Variants in PPP3CB observed in about 807,000 individuals in gnomAD.
PPP3CB encodes the protein protein phosphatase 3 catalytic subunit beta, also known as serine/threonine-protein phosphatase 2B catalytic subunit beta isoform.
Under a neutral mutation model 66.4 loss-of-function variants are expected in PPP3CB, and 8 were observed. That is an observed-to-expected ratio of 0.12 (90% CI 0.07 to 0.22). PPP3CB has a LOEUF of 0.22. Ranked by LOEUF, PPP3CB falls within the 10% of genes least tolerant of loss-of-function variation. The pLI is 1.00. For synonymous variants in PPP3CB, 208 were observed against 221.2 expected, an observed-to-expected ratio of 0.94 and a Z score of 0.53; for missense variants, 319 against 642.5, an observed-to-expected ratio of 0.50 and a Z score of 5.44.
In PPP3CB at chr10:73,495,908, CT is replaced by C; in HGVS notation, c.-20del. On this transcript the variant is annotated 5_prime_UTR_variant, in exon 1 of 14. Transcript: ENST00000360663. ...CGGCCATGCTGGGCCCGGGGCTCGG[CT>C]AGGCTCTGGGCCGGGCGGGGTTGGG... is the stretch of plus-strand genomic sequence containing the variant. 1 of 593,892 alleles carries C rather than the reference CT, an allele frequency of 1.7e-6. No homozygotes were observed. 36.8% of individuals were successfully genotyped at this position (593,892 alleles called of 1,614,324 possible).
chr10:73,443,230 AAGAC>A (rs1434101188), intron 12 of PPP3CB, among the ~76,000 whole-genome samples: 9 of 148,334 alleles, frequency 6.1e-5, no homozygotes, highest in Non-Finnish European at 8.9e-5. Flanking sequence ...CAAAAAAAGA[AAGAC>A]AGAGAGAGAG....
intron 11 of PPP3CB, 70 bp from the exon 12 acceptor site, chr10:73,444,892 T>G (rs2056221677): frequency 2.1e-6 from 3 of 1,458,598 alleles, no homozygotes; most frequent in Non-Finnish European, 2.8e-6. Context: ...AGACATAGGG[T>G]CTAGATATAG....
intron 9 of PPP3CB, among the ~76,000 whole-genome samples, chr10:73,459,997 A>G (rs183392134): frequency 2.4e-3 from 371 of 152,322 alleles, no homozygotes; most frequent in African/African-American, 8.5e-3. Flanking sequence ...AAAATAAAGA[A>G]AAGTATGAGG....
chr10:73,479,066 A>G (rs1021290091), intron 2 of PPP3CB, among the ~76,000 whole-genome samples: 1 of 152,220 alleles, frequency 6.6e-6, no homozygotes, highest in Non-Finnish European at 1.5e-5. Flanking sequence ...AAATTGAAGT[A>G]TGGTCAACAC....
Position 73,437,905 on chromosome 10 carries a change from A to T in PPP3CB, c.*337T>A. 5.0e-6 allele frequency: 1 copy of T among 200,194 alleles called. No homozygotes were observed. Among genetic ancestry groups the T allele is most frequent in the Non-Finnish European group, 1.0e-5 (1 of 100,204 alleles). The allele number at this position is 200,194 out of a possible 1,614,324, so 12.4% of individuals were successfully genotyped here. On this transcript the variant is annotated 3_prime_UTR_variant, in exon 14 of 14. Transcript: ENST00000360663. ...ATTTGAAATCATGATTGAAAAACAAAATCTAATTCTACTGAAGGGGAAAAG... is the reference window on the plus strand; with the variant it reads ...ATTTGAAATCATGATTGAAAAACAATATCTAATTCTACTGAAGGGGAAAAG...
At position 73,437,332 on chromosome 10, in the gene PPP3CB, A is replaced by G. The variant is rs924321724; in HGVS notation, c.*910T>C. On this transcript the variant is annotated 3_prime_UTR_variant, in exon 14 of 14. Transcript: ENST00000360663. ...TACTCACAATAAACTAAAATTTCTCATAACATCTAGGTAACCTATACATGT... is the reference window on the plus strand; with the variant it reads ...TACTCACAATAAACTAAAATTTCTCGTAACATCTAGGTAACCTATACATGT... 4.6e-5 allele frequency: 7 copies of G among 152,666 alleles called. No individual in the cohort carries two copies. Among genetic ancestry groups the G allele is most frequent in the Non-Finnish European group, 8.8e-5 (6 of 68,042 alleles). The allele number at this position is 152,666 out of a possible 1,614,324, so 9.5% of individuals were successfully genotyped here. A position where few individuals can be genotyped will look rare whatever the true frequency, so the allele number is the denominator to read the frequency against.
At chr10:73,448,688 GTTC>G (rs1386537821) in intron 10 of PPP3CB, 2 of 533,208 alleles carry the variant, frequency 3.8e-6, no homozygotes, top group Non-Finnish European at 7.7e-6. Flanking sequence ...TATATGAGCC[GTTC>G]TTCAGATGGA....
intron 12 of PPP3CB, among the ~76,000 whole-genome samples, chr10:73,443,128 G>A (rs2056176432): frequency 6.6e-6 from 1 of 151,806 alleles, no homozygotes; most frequent in South Asian, 2.1e-4. Flanking sequence ...GAGCCCAGGA[G>A]GTTGAGGCTG....
intron 9 of PPP3CB, among the ~76,000 whole-genome samples, chr10:73,466,601 G>A (rs1258959079): frequency 2.0e-5 from 3 of 152,150 alleles, no homozygotes; most frequent in South Asian, 2.1e-4. Context: ...TTCTATCTCC[G>A]TATTAACATT....
chr10:73,447,602 T>C (rs180713277), intron 10 of PPP3CB, among the ~76,000 whole-genome samples: 1 of 152,286 alleles, frequency 6.6e-6, no homozygotes, highest in African/African-American at 2.4e-5. Context: ...TCTGAACAAC[T>C]GTAAGTCTTC....
chr10:73,470,559 T>C (rs1037726030), intron 8 of PPP3CB, 128 bp downstream of exon 8: 7 of 574,788 alleles, frequency 1.2e-5, no homozygotes, highest in Admixed American at 3.6e-5. Context: ...CTCCCCTCCA[T>C]CTTACAGTTA....
intron 9 of PPP3CB, among the ~76,000 whole-genome samples, chr10:73,457,953 G>A (rs2056457632): frequency 1.3e-5 from 2 of 152,208 alleles, no homozygotes; most frequent in Admixed American, 1.3e-4. Context: ...TGGAATGATA[G>A]ACAAAGGAGA....
intron 1 of PPP3CB, among the ~76,000 whole-genome samples, chr10:73,488,897 T>G (rs995684133): frequency 6.6e-6 from 1 of 152,226 alleles, no homozygotes. Flanking sequence ...CTAGTTCAAG[T>G]TCTTATCATT....
intron 12 of PPP3CB, among the ~76,000 whole-genome samples, chr10:73,441,790 C>T (rs192077162): frequency 6.6e-6 from 1 of 152,212 alleles, no homozygotes; most frequent in Non-Finnish European, 1.5e-5. Context: ...AGAAAGAAAA[C>T]ATACATAAAA....
chr10:73,493,341 A>G (rs1253207611), intron 1 of PPP3CB, among the ~76,000 whole-genome samples: 1 of 152,144 alleles, frequency 6.6e-6, no homozygotes, highest in Non-Finnish European at 1.5e-5. Flanking sequence ...GACAGTCTCC[A>G]TAATATCACT....
intron 13 of PPP3CB, 143 bp downstream of exon 13, chr10:73,439,729 G>T: frequency 1.2e-6 from 1 of 869,454 alleles, no homozygotes; most frequent in Non-Finnish European, 1.8e-6. Context: ...AAAGAGGGCT[G>T]CAAGGCTTCT....
In PPP3CB at chr10:73,471,266, T is replaced by C. The variant is rs931968066; in HGVS notation, c.670-57A>G. 2.6e-5 allele frequency: 40 copies of C among 1,509,488 alleles called. No homozygotes were observed. The African/African-American group carries it at 4.9e-4, about 19-fold the overall frequency. The allele number at this position is 1,509,488 out of a possible 1,614,324, so 93.5% of individuals were successfully genotyped here. The stretch of plus-strand genomic sequence containing the variant: ...AACTCATCAAAAAGTAAGGATAAAA[T>C]GTGCATAGGAAAACGATACCAACTT... On this transcript the variant is annotated intron_variant, in intron 5 of 13. Transcript: ENST00000360663.
At chr10:73,442,162 T>C (rs2056160019) in intron 12 of PPP3CB, among the ~76,000 whole-genome samples, 1 of 152,148 alleles carries the variant, frequency 6.6e-6, no homozygotes, top group Admixed American at 6.5e-5. Context: ...CTAGCAAAAC[T>C]AGAAGCTATC....
intron 1 of PPP3CB, chr10:73,495,603 G>T (rs1413136083): frequency 2.0e-5 from 14 of 709,344 alleles, no homozygotes; most frequent in Non-Finnish European, 2.8e-5. Context: ...GCCCCGGCCT[G>T]AAAGCAACCG....
Sources: gnomAD v4.1 joint callset for allele counts (sites outside exome capture counted in the v4.1 genomes callset) on GRCh38, gnomAD v4.1.1 for gene constraint, MANE v1.5 for transcripts, NCBI Gene and HGNC (gene_info 2026-07-23, HGNC 2026-07-21) for gene names.